DCC: variants seen among roughly 807,000 people sequenced by gnomAD.
The protein encoded by DCC is DCC netrin 1 receptor, also known as netrin receptor DCC.
Under a neutral mutation model 172.5 loss-of-function variants are expected in DCC, and 58 were observed. The ratio of observed to expected loss-of-function variants is 0.34; its 90% confidence interval spans 0.27 to 0.42. The LOEUF is 0.42. DCC is among the 10% of genes least tolerant of loss of function. The pLI, the probability that DCC is intolerant of heterozygous loss-of-function variation, is 1.00. For synonymous variants in DCC, 709 were observed against 644.5 expected (o/e 1.10, Z -1.52); for missense variants, 1,740 against 1,791.0 (o/e 0.97, Z 0.51).
intron 5 of DCC, among the ~76,000 whole-genome samples, chr18:52,926,753 G>A (rs2040207897): frequency 6.7e-6 from 1 of 149,402 alleles, no homozygotes; most frequent in African/African-American, 2.4e-5. Context: ...TGCAAATACT[G>A]ATTTCTGGGG....
At chr18:52,452,142 C>T (rs549560323) in intron 1 of DCC, among the ~76,000 whole-genome samples, 2 of 152,240 alleles carry the variant, frequency 1.3e-5, no homozygotes, top group Non-Finnish European at 2.9e-5. Flanking sequence ...GCTGTTTTCA[C>T]AAGGACTCAA....
chr18:53,482,767 C>A (rs2045849752), intron 25 of DCC, among the ~76,000 whole-genome samples: 1 of 151,892 alleles, frequency 6.6e-6, no homozygotes, highest in African/African-American at 2.4e-5. Context: ...ATCTAGCAAT[C>A]CACTTTAATG....
chr18:52,774,195 T>G (rs73463748), intron 2 of DCC, among the ~76,000 whole-genome samples: 3,518 of 152,270 alleles, frequency 0.023, 135 homozygotes, highest in African/African-American at 0.08. Context: ...TTATTCCAGA[T>G]CTGTTGAATC....
At chr18:52,547,107 C>A (rs2032638253) in intron 1 of DCC, among the ~76,000 whole-genome samples, 2 of 152,046 alleles carry the variant, frequency 1.3e-5, no homozygotes, top group Non-Finnish European at 2.9e-5. Flanking sequence ...ACTTAGAATC[C>A]CTTTGAAATG....
intron 20 of DCC, among the ~76,000 whole-genome samples, chr18:53,412,260 A>C (rs1599120842): frequency 6.6e-6 from 1 of 152,216 alleles, no homozygotes; most frequent in East Asian, 1.9e-4. Flanking sequence ...CCTAAATGTC[A>C]TGCTCGATAA....
intron 1 of DCC, among the ~76,000 whole-genome samples, chr18:52,648,187 TAAC>T (rs2035055637): frequency 6.6e-6 from 1 of 152,174 alleles, no homozygotes; most frequent in Admixed American, 6.5e-5. Context: ...TCACAAGACT[TAAC>T]AGTGCACCTC....
chr18:52,622,558 C>T lies in DCC; in HGVS notation c.92-129496C>T, dbSNP rs138513849. Among the ~76,000 whole-genome samples the T allele has an allele frequency of 2.3e-3, 349 of 152,252 alleles. 1 individual carries two copies. The highest frequency in any genetic ancestry group is 6.8e-3 in the Middle Eastern group (2 of 294). On this transcript the variant is annotated intron_variant, in intron 1 of 28. Transcript: ENST00000442544. ...ACCAGCCCAGGGGTTCATTCAGGAC[C>T]TTCTCTTTCTTTCCATCACTGCCCC...
intron 12 of DCC, among the ~76,000 whole-genome samples, chr18:53,281,536 A>G (rs924320381): frequency 6.6e-6 from 1 of 152,172 alleles, no homozygotes; most frequent in Non-Finnish European, 1.5e-5. Context: ...GTACTGTTCA[A>G]TCTAAACCTG....
intron 1 of DCC, among the ~76,000 whole-genome samples, chr18:52,472,511 G>A (rs910630363): frequency 2.0e-5 from 3 of 152,108 alleles, no homozygotes; most frequent in South Asian, 2.1e-4. Context: ...TATTTTCAAC[G>A]GGGTATCAAA....
At chr18:53,350,258 CA>C (rs1234415044) in intron 15 of DCC, among the ~76,000 whole-genome samples, 2 of 152,084 alleles carry the variant, frequency 1.3e-5, no homozygotes, top group Non-Finnish European at 2.9e-5. Context: ...TGTGGATTAA[CA>C]AAGATGTATC....
At chr18:52,597,772 A>C (rs1401451320) in intron 1 of DCC, among the ~76,000 whole-genome samples, 1 of 152,218 alleles carries the variant, frequency 6.6e-6, no homozygotes, top group Non-Finnish European at 1.5e-5. Context: ...GAATATTATT[A>C]ATGATCTTCA....
At chr18:53,221,757 T>C (rs1237573869) in intron 12 of DCC, among the ~76,000 whole-genome samples, 1 of 152,226 alleles carries the variant, frequency 6.6e-6, no homozygotes, top group Non-Finnish European at 1.5e-5. Context: ...TTAGATCCCC[T>C]TTCTTATAGA....
chr18:52,799,250 T>A (rs76099091), intron 2 of DCC, among the ~76,000 whole-genome samples: 12,692 of 152,250 alleles, frequency 0.083, 611 homozygotes, highest in South Asian at 0.18. Flanking sequence ...TCCATGAAGT[T>A]GTTTATGTTG....
chr18:52,856,974 C>T (rs1349010897), intron 2 of DCC, among the ~76,000 whole-genome samples: 2 of 152,136 alleles, frequency 1.3e-5, no homozygotes, highest in African/African-American at 2.4e-5. Context: ...GAGTGTGGGT[C>T]TCAGCTTTAA....
At chr18:53,288,179 T>G (rs577266222) in intron 12 of DCC, among the ~76,000 whole-genome samples, 4 of 152,184 alleles carry the variant, frequency 2.6e-5, no homozygotes, top group African/African-American at 9.6e-5. Context: ...ATTCAAGGTC[T>G]CTTTTTGACA....
At chr18:52,915,516 G>A (rs1181718964) in intron 3 of DCC, among the ~76,000 whole-genome samples, 2 of 152,074 alleles carry the variant, frequency 1.3e-5, no homozygotes, top group Admixed American at 6.6e-5. Context: ...CTTTAAAAAG[G>A]AAATATTCTC....
intron 1 of DCC, among the ~76,000 whole-genome samples, chr18:52,525,141 C>T (rs1193477458): frequency 4.0e-5 from 6 of 151,848 alleles, no homozygotes; most frequent in Non-Finnish European, 4.4e-5. Context: ...CATTTAAGTG[C>T]ACATTTCCAT....
chr18:53,451,807 G>T (rs1335548078), intron 23 of DCC, among the ~76,000 whole-genome samples: 1 of 150,874 alleles, frequency 6.6e-6, no homozygotes, highest in African/African-American at 2.4e-5. Context: ...TTACCTTCCA[G>T]CACTCTGAAG....
chr18:52,429,660 G>T (rs1315453511), intron 1 of DCC, among the ~76,000 whole-genome samples: 1 of 152,098 alleles, frequency 6.6e-6, no homozygotes, highest in African/African-American at 2.4e-5. Context: ...AAATGGCCAT[G>T]TTCTTAAATC....
Sources: gnomAD v4.1 joint callset for allele counts (sites outside exome capture counted in the v4.1 genomes callset) on GRCh38, gnomAD v4.1.1 for gene constraint, MANE v1.5 for transcripts, NCBI Gene and HGNC (gene_info 2026-07-23, HGNC 2026-07-21) for gene names.